The following DHRSX variants were observed in gnomAD, a reference collection of about 807,000 sequenced individuals.
DHRSX encodes the protein dehydrogenase/reductase X-linked.
Under a neutral mutation model 34.0 loss-of-function variants are expected in DHRSX, and 31 were observed. The ratio of observed to expected loss-of-function variants is 0.91; its 90% CI spans 0.69 to 1.23. DHRSX has a LOEUF of 1.23. DHRSX is among the 50% of genes most tolerant of loss of function. DHRSX has a pLI of 0.00. For missense variants in DHRSX, 414 were observed against 428.1 expected (o/e 0.97, Z 0.29); for synonymous variants, 201 against 183.8 (o/e 1.09, Z -0.76).
chrX:2,318,401 G>C (rs182110570), intron 3 of DHRSX, among the ~76,000 whole-genome samples: 1 of 151,934 alleles, frequency 6.6e-6, no homozygotes, highest in South Asian at 2.1e-4. Flanking sequence ...ATGACCACTG[G>C]CATGAGAGGA....
chrX:2,369,503 T>C (rs2043032443), intron 3 of DHRSX, among the ~76,000 whole-genome samples: 1 of 151,900 alleles, frequency 6.6e-6, no homozygotes, highest in Non-Finnish European at 1.5e-5. Flanking sequence ...TTTTTGTTTG[T>C]TTTTCTTTTT....
chrX:2,492,212 A>G (rs1029403381), intron 1 of DHRSX, among the ~76,000 whole-genome samples: 68 of 152,226 alleles, frequency 4.5e-4, no homozygotes, highest in African/African-American at 1.6e-3. Flanking sequence ...TGTATTAATA[A>G]TGAAGGTAAG....
rs1168604442 is a variant in DHRSX, at chrX:2,266,009, G to A, written c.596+731C>T. 3.7e-5 allele frequency among the ~76,000 whole-genome samples: 5 copies of A among 134,980 alleles called. No homozygotes were observed. The South Asian group carries it at 9.9e-4, about 27-fold the overall frequency. 88.6% of individuals were successfully genotyped at this position (134,980 alleles called of 152,430 possible). A position where few individuals can be genotyped will look rare whatever the true frequency, so the allele number is the denominator to read the frequency against. ...CCCAGAGCACCAGTGCTCGGCAGACGCAGGAAGCACTGTTCCCAGAGCACC... is the reference window on the plus strand; with the variant it reads ...CCCAGAGCACCAGTGCTCGGCAGACACAGGAAGCACTGTTCCCAGAGCACC... On this transcript the variant is annotated intron_variant, in intron 5 of 6. Coordinates refer to ENST00000334651, the MANE Select transcript of DHRSX (RefSeq NM_145177.3).
chrX:2,351,290 T>C (rs2042786095), intron 3 of DHRSX, among the ~76,000 whole-genome samples: 2 of 152,230 alleles, frequency 1.3e-5, no homozygotes, highest in Admixed American at 6.5e-5. Flanking sequence ...AATGTTCGGC[T>C]ACATCGTAAC....
At chrX:2,292,813 TAGTA>T (rs1044478160) in intron 3 of DHRSX, among the ~76,000 whole-genome samples, 1 of 151,606 alleles carries the variant, frequency 6.6e-6, no homozygotes, top group Non-Finnish European at 1.5e-5. Flanking sequence ...TTGCTACAGA[TAGTA>T]AGTATGAGCT....
At chrX:2,237,254 C>T (rs1282866732) in intron 6 of DHRSX, among the ~76,000 whole-genome samples, 1 of 152,158 alleles carries the variant, frequency 6.6e-6, no homozygotes, top group Admixed American at 6.6e-5. Flanking sequence ...CTGTCACCCT[C>T]TCGGCACATC....
intron 3 of DHRSX, among the ~76,000 whole-genome samples, chrX:2,336,053 C>T (rs1020732207): frequency 1.3e-5 from 2 of 151,688 alleles, no homozygotes; most frequent in South Asian, 2.1e-4. Flanking sequence ...GCTCTGGTAC[C>T]AGGGAGTGCA....
At chrX:2,282,806 GAGAGAAAGA>G (rs2041738398) in intron 4 of DHRSX, among the ~76,000 whole-genome samples, 5 of 69,680 alleles carry the variant, frequency 7.2e-5, no homozygotes, top group Admixed American at 1.5e-4. Flanking sequence ...AAAGAGAGAA[GAGAGAAAGA>G]GAGAGAGGGA....
At chrX:2,335,128 T>G (rs1426528401) in intron 3 of DHRSX, among the ~76,000 whole-genome samples, 1 of 147,158 alleles carries the variant, frequency 6.8e-6, no homozygotes, top group Non-Finnish European at 1.5e-5. Context: ...GAGGTTGCAG[T>G]GAGCCGAGAT....
At chrX:2,369,488 GTT>G (rs67165330) in intron 3 of DHRSX, among the ~76,000 whole-genome samples, 5 of 150,838 alleles carry the variant, frequency 3.3e-5, no homozygotes, top group African/African-American at 7.3e-5. Flanking sequence ...TTTAGTTTTT[GTT>G]TTTTTTTGTT....
At chrX:2,389,381 A>G (rs7876270) in intron 3 of DHRSX, among the ~76,000 whole-genome samples, 125,950 of 151,790 alleles carry the variant, frequency 0.83, 52,347 homozygotes, top group African/African-American at 0.85. Flanking sequence ...CCCTGAATCC[A>G]GACTCTGTTT....
At chrX:2,398,736 C>A (rs994379180) in intron 3 of DHRSX, among the ~76,000 whole-genome samples, 5 of 143,172 alleles carry the variant, frequency 3.5e-5, no homozygotes, top group African/African-American at 1.3e-4. Context: ...GTGGTGCGAT[C>A]TCGGCTCACT....
chrX:2,330,528 A>AAAAAAG (rs2042454255), intron 3 of DHRSX, among the ~76,000 whole-genome samples: 1 of 148,542 alleles, frequency 6.7e-6, no homozygotes. Flanking sequence ...AAAGAAAAAA[A>AAAAAAG]AAAAGAAAAG....
rs748215993 is a variant in DHRSX at position 2,266,906 on chromosome X, A to G, written c.430T>C (p.Phe144Leu). 12 of 1,613,940 alleles carry G rather than the reference A, an allele frequency of 7.4e-6. No individual in the cohort carries two copies. The South Asian group carries it at 1.2e-4, about 16-fold the overall frequency. The change falls in exon 5 of 7, where the codon TTC becomes CTC. Residue 144 changes from phenylalanine (F) to leucine (L), a missense_variant. Physicochemically the swap from Phe to Leu is conservative, Grantham distance 22. Transcript: ENST00000334651. ...TAGTTCAGGCCGAAATGTTCTTCGA[A>G]TCCATCTCTGGTTTTCCTCTGAGGG... ...MVPQRKTRDG[F>L]EEHFGLNYLG...
chrX:2,260,670 A>G (rs1056840046), intron 5 of DHRSX, among the ~76,000 whole-genome samples: 3 of 151,954 alleles, frequency 2.0e-5, no homozygotes, highest in Non-Finnish European at 4.4e-5. Flanking sequence ...CATATTGGTC[A>G]GGCTGGTCTT....
At chrX:2,425,590 G>C (rs954524952) in intron 1 of DHRSX, among the ~76,000 whole-genome samples, 4 of 152,200 alleles carry the variant, frequency 2.6e-5, no homozygotes, top group African/African-American at 9.7e-5. Flanking sequence ...CGGCAGAAAG[G>C]TCTGCAGAAC....
At chrX:2,459,516 T>G (rs895755366) in intron 1 of DHRSX, among the ~76,000 whole-genome samples, 5 of 139,946 alleles carry the variant, frequency 3.6e-5, no homozygotes, top group Admixed American at 1.5e-4. Context: ...TATTGTACCA[T>G]AGAGAGAGAG....
Position 2,444,186 on chromosome X carries a change from T to C in DHRSX, c.110-18882A>G, listed in dbSNP as rs1466698802. ...TGTTTGTTTTTAGCCGTCTACTAAA[T>C]TTCATTGATACATGTTTCTGCCTTC... On this transcript the variant is annotated intron_variant, in intron 1 of 6. Coordinates refer to ENST00000334651, the MANE Select transcript of DHRSX (RefSeq NM_145177.3). Among the ~76,000 whole-genome samples the C allele has an allele frequency of 2.0e-5, 3 of 152,168 alleles. No individual in the cohort carries two copies. The East Asian group carries it at 5.8e-4, about 29-fold the overall frequency.
intron 3 of DHRSX, among the ~76,000 whole-genome samples, chrX:2,359,200 C>G (rs2042896099): frequency 6.6e-6 from 1 of 152,154 alleles, no homozygotes; most frequent in Non-Finnish European, 1.5e-5. Flanking sequence ...GGCCATTCCT[C>G]AAAGACCTAA....
Sources: gnomAD v4.1 joint callset for allele counts (sites outside exome capture counted in the v4.1 genomes callset) on GRCh38, gnomAD v4.1.1 for gene constraint, MANE v1.5 for transcripts, NCBI Gene and HGNC (gene_info 2026-07-23, HGNC 2026-07-21) for gene names.